RPRD2: variants seen among roughly 807,000 people sequenced by gnomAD.
RPRD2 encodes regulation of nuclear pre-mRNA domain-containing protein 2.
A neutral mutation model predicts 104.4 loss-of-function variants in RPRD2; 12 were observed. That is an observed-to-expected ratio of 0.11 (90% CI 0.07 to 0.19). The LOEUF is 0.19. Ranked by LOEUF, RPRD2 falls within the 10% of genes least tolerant of loss-of-function variation. The pLI, the probability that RPRD2 is intolerant of heterozygous loss-of-function variation, is 1.00. For synonymous variants in RPRD2, 714 were observed against 684.9 expected (o/e 1.04, Z -0.66); for missense variants, 1,543 against 1,790.1 (o/e 0.86, Z 2.49).
chr1:150,382,163 A>C (rs587683126), intron 1 of RPRD2, among the ~76,000 whole-genome samples: 1 of 152,126 alleles, frequency 6.6e-6, no homozygotes, highest in Non-Finnish European at 1.5e-5. Context: ...TGCGTACTCT[A>C]TGTGAAATGT....
At chr1:150,441,075 T>C in intron 3 of RPRD2, 52 bp downstream of exon 3, 1 of 844,228 alleles carries the variant, frequency 1.2e-6, no homozygotes, top group South Asian at 1.6e-5. Context: ...GTCTTTACAA[T>C]TACATAATTT....
Position 150,441,650 on chromosome 1 carries a change from C to A in RPRD2, c.437-231C>A, listed in dbSNP as rs1361363332. 6 of 404,942 alleles carry A rather than the reference C, an allele frequency of 1.5e-5. No homozygotes were observed. The East Asian group carries it at 2.4e-4, about 16-fold the overall frequency. 25.1% of individuals were successfully genotyped at this position (404,942 alleles called of 1,614,324 possible). On this transcript the variant is annotated intron_variant, in intron 3 of 10. Coordinates refer to ENST00000369068, the MANE Select transcript of RPRD2 (RefSeq NM_015203.5). ...TAATTGGTATTTTTAAGCCTCCTCC[C>A]CTATTCTTTTCAGAATTGGTAATTT... is the stretch of plus-strand genomic sequence containing the variant.
chr1:150,433,998 A>G (rs1290970680), intron 2 of RPRD2, among the ~76,000 whole-genome samples: 6 of 152,110 alleles, frequency 3.9e-5, no homozygotes, highest in Admixed American at 3.3e-4. Flanking sequence ...AATAGACTTA[A>G]TAAGTGAGTT....
In RPRD2 at chr1:150,471,178, T is replaced by C; in HGVS notation, c.2230T>C (p.Ser744Pro). Residue 744 changes from serine (S) to proline (P), a missense_variant, in exon 11 of 11, where the codon TCC becomes CCC. Coordinates refer to ENST00000369068, the MANE Select transcript of RPRD2 (RefSeq NM_015203.5). The surrounding 1 kb of genome is among the most constrained non-coding windows in gnomAD (Gnocchi z 5.3). ...GGATGAGATGATGGACAAGCCCACA[T>C]CCAGCAGTGTAGATACTATGTCCCT... The part of the protein sequence containing the change: ...TQDEMMDKPT[S>P]SSVDTMSLLS... 1 of 1,613,862 alleles carries C rather than the reference T, an allele frequency of 6.2e-7. No individual in the cohort carries two copies. The highest frequency in any genetic ancestry group is 8.5e-7 in the Non-Finnish European group (1 of 1,179,860).
intron 7 of RPRD2, among the ~76,000 whole-genome samples, chr1:150,449,186 T>C (rs1157270125): frequency 6.6e-6 from 1 of 152,196 alleles, no homozygotes; most frequent in South Asian, 2.1e-4. Flanking sequence ...AATTGGCTAA[T>C]GGATAAGCAG....
At position 150,472,226 on chromosome 1, in the gene RPRD2, C is replaced by T. The variant is rs780246767; in HGVS notation, c.3278C>T (p.Ala1093Val). 2 of 1,613,904 alleles carry T rather than the reference C, an allele frequency of 1.2e-6. No homozygotes were observed. Among genetic ancestry groups the T allele is most frequent in the Non-Finnish European group, 1.7e-6 (2 of 1,179,868 alleles). Reference protein sequence around the residue: ...APIETLGYHSASNRRMSGEPI... With the variant: ...APIETLGYHSVSNRRMSGEPI... ...ATAGAAACCTTGGGTTATCACAGTG[C>T]ATCCAATAGGAGGATGTCAGGGGAG... The change falls in exon 11 of 11, where the codon GCA becomes GTA. Residue 1093 changes from alanine (A) to valine (V), a missense_variant. By Grantham distance (64) the Ala-to-Val change is moderately conservative. This residue lies in a region of RPRD2 where 880 missense variants were observed against 885.6 expected (regional missense o/e 0.99). Transcript: ENST00000369068.
At chr1:150,394,861 G>A (rs1419697090) in intron 1 of RPRD2, among the ~76,000 whole-genome samples, 1 of 152,258 alleles carries the variant, frequency 6.6e-6, no homozygotes, top group Non-Finnish European at 1.5e-5. Context: ...GATTACAGGC[G>A]TGAGCCACAG....
rs1432793486 is a variant in RPRD2, at chr1:150,364,326, G to A, written c.-389G>A. Reference sequence around the variant, plus strand: ...CCTGGCTCACAGGAGTGTGGGAACAGGGGCGGGGAAGGGCCTTAGCACTGA... The same window carrying A: ...CCTGGCTCACAGGAGTGTGGGAACAAGGGCGGGGAAGGGCCTTAGCACTGA... On this transcript the variant is annotated 5_prime_UTR_variant, in exon 1 of 11. Transcript: ENST00000369068. 6.6e-6 allele frequency among the ~76,000 whole-genome samples: 1 copy of A among 152,196 alleles called. No homozygotes were observed. The highest frequency in any genetic ancestry group is 1.5e-5 in the Non-Finnish European group (1 of 68,034).
At chr1:150,376,792 G>A (rs886436774) in intron 1 of RPRD2, among the ~76,000 whole-genome samples, 1 of 150,776 alleles carries the variant, frequency 6.6e-6, no homozygotes, top group African/African-American at 2.4e-5. Context: ...GAGCCACCGC[G>A]CCCGGCCGAT....
chr1:150,441,340 T>C (rs1666391285), intron 3 of RPRD2: 1 of 263,114 alleles, frequency 3.8e-6, no homozygotes, highest in South Asian at 5.6e-5. Context: ...TGTTAATAAA[T>C]ACTGCCCTGT....
intron 1 of RPRD2, among the ~76,000 whole-genome samples, chr1:150,407,023 C>A (rs1053582368): frequency 6.6e-6 from 1 of 152,136 alleles, no homozygotes; most frequent in Admixed American, 6.5e-5. Flanking sequence ...CCAGTAAATT[C>A]TTGTAAGTTC....
chr1:150,453,933 C>G (rs11581051), intron 7 of RPRD2, among the ~76,000 whole-genome samples: 33,738 of 152,008 alleles, frequency 0.22, 4,259 homozygotes, highest in African/African-American at 0.32. Flanking sequence ...TTTAAGCAAG[C>G]CTTGTTCCAC....
intron 1 of RPRD2, among the ~76,000 whole-genome samples, chr1:150,383,187 G>A (rs1286394438): frequency 6.6e-6 from 1 of 151,390 alleles, no homozygotes; most frequent in Non-Finnish European, 1.5e-5. Context: ...TAGAGATGAT[G>A]TCTTGCTATG....
intron 1 of RPRD2, among the ~76,000 whole-genome samples, chr1:150,388,514 CACACACACAT>C (rs1445408130): frequency 6.8e-6 from 1 of 148,070 alleles, no homozygotes; most frequent in African/African-American, 2.6e-5. Context: ...CACACACACA[CACACACACAT>C]ATATACACCC....
Position 150,375,356 on chromosome 1 carries a change from C to T in RPRD2, c.205+10437C>T, listed in dbSNP as rs188061744. The stretch of plus-strand genomic sequence containing the variant: ...TTCCCATAACTAAAAGTGTGAAACA[C>T]TACTGACAAACTTCACATGGTTCTG... On this transcript the variant is annotated intron_variant, in intron 1 of 10. Transcript: ENST00000369068. Among the ~76,000 whole-genome samples, 722 of 152,212 alleles carry T rather than the reference C, an allele frequency of 4.7e-3. 1 individual carries two copies. Among genetic ancestry groups the T allele is most frequent in the Non-Finnish European group, 7.6e-3 (517 of 68,020 alleles).
chr1:150,388,373 C>T (rs11580960), intron 1 of RPRD2, among the ~76,000 whole-genome samples: 25,498 of 97,756 alleles, frequency 0.26, 2,761 homozygotes, highest in Non-Finnish European at 0.32. Flanking sequence ...TACATGTATA[C>T]ACATATACAC....
At position 150,472,698 on chromosome 1, in the gene RPRD2, G is replaced by T; in HGVS notation, c.3750G>T (p.Leu1250=). ...LSNPFTKEAA[L]AHAAPPPPPG... is the part of the protein sequence containing the mutation. ...ACCCCTTCACAAAGGAGGCAGCCCT[G>T]GCCCATGCTGCCCCACCCCCTCCTC... Residue 1250 remains leucine, a synonymous_variant, in exon 11 of 11, where the codon CTG becomes CTT. Coordinates refer to ENST00000369068, the MANE Select transcript of RPRD2 (RefSeq NM_015203.5). 6.2e-7 allele frequency: 1 copy of T among 1,613,710 alleles called. No homozygotes were observed. The highest frequency in any genetic ancestry group is 1.7e-4 in the Middle Eastern group (1 of 6,060).
intron 2 of RPRD2, among the ~76,000 whole-genome samples, chr1:150,424,677 G>A (rs1664994142): frequency 6.6e-6 from 1 of 152,090 alleles, no homozygotes; most frequent in South Asian, 2.1e-4. Flanking sequence ...TTTAGTAAAA[G>A]TCCTGGGACT....
At chr1:150,410,266 A>T (rs1175941352) in intron 1 of RPRD2, among the ~76,000 whole-genome samples, 1 of 152,102 alleles carries the variant, frequency 6.6e-6, no homozygotes, top group Non-Finnish European at 1.5e-5. Flanking sequence ...TAAAGAGGGG[A>T]CCATTATGGG....
Sources: gnomAD v4.1 joint callset for allele counts (sites outside exome capture counted in the v4.1 genomes callset) on GRCh38, gnomAD v4.1.1 for gene constraint, gnomAD v4.1.1 regional missense constraint, Gnocchi (gnomAD v3.1) non-coding constraint, MANE v1.5 for transcripts, NCBI Gene and HGNC (gene_info 2026-07-23, HGNC 2026-07-21) for gene names.